DAB1: variants seen among roughly 807,000 people sequenced by gnomAD.
DAB1 encodes the protein disabled homolog 1.
DAB1 carries 15 observed loss-of-function variants against 64.6 expected under a neutral mutation model. That is an observed-to-expected ratio of 0.23 (90% confidence interval 0.16 to 0.36). The LOEUF (loss-of-function observed/expected upper bound fraction) is 0.36, where lower values mean the gene tolerates loss of function less well. Ranked by LOEUF, DAB1 falls within the 10% of genes least tolerant of loss-of-function variation. DAB1 has a pLI of 1.00. For missense variants in DAB1, 596 were observed against 706.7 expected, an observed-to-expected ratio of 0.84 and a Z score of 1.78; for synonymous variants, 235 against 251.9, an observed-to-expected ratio of 0.93 and a Z score of 0.64.
intron 7 of DAB1, among the ~76,000 whole-genome samples, chr1:57,618,702 T>C (rs1299078007): frequency 6.6e-6 from 1 of 151,674 alleles, no homozygotes; most frequent in Non-Finnish European, 1.5e-5. Context: ...TTAATGTTTT[T>C]TAAGAATATT....
downstream of DAB1, among the ~76,000 whole-genome samples, chr1:57,823,856 G>A (rs112095620): frequency 2.6e-5 from 4 of 152,236 alleles, no homozygotes; most frequent in East Asian, 7.7e-4. Context: ...ACTCAAAGAC[G>A]TCAAACTTGC....
At chr1:57,444,180 C>T (rs1201175530) in intron 7 of DAB1, among the ~76,000 whole-genome samples, 1 of 152,128 alleles carries the variant, frequency 6.6e-6, no homozygotes, top group Non-Finnish European at 1.5e-5. Flanking sequence ...GGCACCTACT[C>T]TTATAAACTC....
At chr1:58,333,792 A>G (rs1663031461) in intron 4 of DAB1, among the ~76,000 whole-genome samples, 1 of 152,238 alleles carries the variant, frequency 6.6e-6, no homozygotes, top group Admixed American at 6.5e-5. Flanking sequence ...TGCATAAAAG[A>G]ATGCATAAGT....
intron 5 of DAB1, among the ~76,000 whole-genome samples, chr1:58,092,137 C>T (rs370615144): frequency 1.3e-5 from 2 of 151,912 alleles, no homozygotes; most frequent in Non-Finnish European, 2.9e-5. Context: ...GAGTTCAAGA[C>T]CAGCTTGGCC....
intron 7 of DAB1, among the ~76,000 whole-genome samples, chr1:57,479,596 A>G (rs1014632155): frequency 1.4e-4 from 21 of 152,136 alleles, no homozygotes; most frequent in African/African-American, 5.1e-4. Flanking sequence ...TGTTGGGGAC[A>G]GCTTGTCTCT....
At chr1:57,198,006 C>G (rs1459694030) in intron 2 of DAB1, among the ~76,000 whole-genome samples, 1 of 151,966 alleles carries the variant, frequency 6.6e-6, no homozygotes, top group Non-Finnish European at 1.5e-5. Context: ...CATAAGAAAC[C>G]CTCTTTGCAC....
chr1:57,897,506 T>C (rs577384297), intron 5 of DAB1, among the ~76,000 whole-genome samples: 1 of 152,316 alleles, frequency 6.6e-6, no homozygotes, highest in South Asian at 2.1e-4. Flanking sequence ...ATCTTCTCAA[T>C]TCCTTTGGTT....
chr1:56,999,211 T>C (rs552606148), intron 14 of DAB1, among the ~76,000 whole-genome samples: 5 of 152,320 alleles, frequency 3.3e-5, no homozygotes, highest in Admixed American at 6.5e-5. Flanking sequence ...TTCAAGTACA[T>C]TGTCTTTTTA....
In DAB1 at chr1:57,201,285, T is replaced by C. The variant is rs77995321; in HGVS notation, c.68-55856A>G. ...AGAAAAAAAAAATCCTGCACTACTA[T>C]GCTCTTCTGAAACTTAAGTGTGTCT... is the stretch of plus-strand genomic sequence containing the variant. On this transcript the variant is annotated intron_variant, in intron 2 of 14. Transcript: ENST00000371236. 5.3e-5 allele frequency among the ~76,000 whole-genome samples: 8 copies of C among 152,230 alleles called. No individual in the cohort carries two copies. In the East Asian group the frequency reaches 1.5e-3, roughly 29 times the overall value.
chr1:57,870,216 T>C (rs1259648911), intron 1 of DAB1, among the ~76,000 whole-genome samples: 1 of 152,252 alleles, frequency 6.6e-6, no homozygotes, highest in East Asian at 1.9e-4. Flanking sequence ...GGCCCCTCAA[T>C]AAATGTTAGC....
intron 7 of DAB1, among the ~76,000 whole-genome samples, chr1:57,464,766 A>C (rs11207042): frequency 6.6e-6 from 1 of 152,172 alleles, no homozygotes; most frequent in African/African-American, 2.4e-5. Context: ...CGATTGGTGA[A>C]TTGCACTAGT....
chr1:58,416,951 G>T (rs893327776), intron 3 of DAB1, among the ~76,000 whole-genome samples: 1 of 152,066 alleles, frequency 6.6e-6, no homozygotes, highest in Non-Finnish European at 1.5e-5. Context: ...TTTTTATCCT[G>T]GTTACATGTC....
intron 3 of DAB1, among the ~76,000 whole-genome samples, chr1:58,364,203 C>G (rs1186490273): frequency 2.0e-5 from 3 of 152,192 alleles, no homozygotes; most frequent in Non-Finnish European, 4.4e-5. Context: ...GGAAGCCTGT[C>G]CCATCTGGAG....
chr1:57,575,134 C>T (rs964061423), intron 7 of DAB1, among the ~76,000 whole-genome samples: 2 of 152,168 alleles, frequency 1.3e-5, no homozygotes, highest in African/African-American at 4.8e-5. Flanking sequence ...AACTGAGTGG[C>T]TTTCAGCGGG....
At chr1:58,138,610 C>T (rs575543002) in intron 5 of DAB1, among the ~76,000 whole-genome samples, 91 of 152,244 alleles carry the variant, frequency 6.0e-4, no homozygotes, top group Non-Finnish European at 1.0e-3. Flanking sequence ...ATTGTCATGG[C>T]ACCTGACTTC....
At chr1:58,070,057 T>C (rs1431207667) in intron 5 of DAB1, among the ~76,000 whole-genome samples, 1 of 152,214 alleles carries the variant, frequency 6.6e-6, no homozygotes, top group Non-Finnish European at 1.5e-5. Flanking sequence ...TGCTCAATAC[T>C]AGGCCAGGCA....
chr1:58,354,359 C>A (rs1351857713), intron 3 of DAB1, among the ~76,000 whole-genome samples: 4 of 152,102 alleles, frequency 2.6e-5, no homozygotes, highest in Admixed American at 2.6e-4. Context: ...AGCACATAAA[C>A]CTGCCCCATC....
At chr1:57,791,825 C>T (rs189108744) in intron 6 of DAB1, among the ~76,000 whole-genome samples, 41 of 152,282 alleles carry the variant, frequency 2.7e-4, no homozygotes, top group African/African-American at 8.7e-4. Context: ...TTCAGACACA[C>T]CAGTTAATCA....
At chr1:58,481,007 T>C in intron 3 of DAB1, 1 of 871,638 alleles carries the variant, frequency 1.1e-6, no homozygotes, top group East Asian at 2.4e-5. Flanking sequence ...TTAATGGTAT[T>C]TGCTCCTGTT....
Sources: allele counts gnomAD v4.1 joint callset (sites outside exome capture counted in the v4.1 genomes callset), GRCh38; gene constraint gnomAD v4.1.1; transcripts MANE v1.5; gene names NCBI Gene and HGNC (gene_info 2026-07-23, HGNC 2026-07-21).